ADGRG7: variants seen among roughly 807,000 people sequenced by gnomAD.
ADGRG7 encodes the protein G-protein coupled receptor 128.
In ADGRG7, 82 loss-of-function variants were observed where a neutral mutation model predicts 88.6. The ratio of observed to expected loss-of-function variants is 0.93; its 90% CI spans 0.77 to 1.11. The LOEUF is 1.11. Among genes scored for constraint, ADGRG7 ranks in the 50% most tolerant of loss-of-function variants. The probability of loss-of-function intolerance (pLI) is 0.00; values close to 1 mark genes in which losing one functional copy is unlikely to be tolerated. For synonymous variants in ADGRG7, 381 were observed against 345.2 expected (o/e 1.10, Z -1.15); for missense variants, 945 against 953.4 (o/e 0.99, Z 0.12).
At chr3:100,618,017 T>A (rs1165337092) in intron 1 of ADGRG7, among the ~76,000 whole-genome samples, 1 of 152,248 alleles carries the variant, frequency 6.6e-6, no homozygotes, top group East Asian at 1.9e-4. Flanking sequence ...ATGTCTTCTG[T>A]CGAGAAGTGT....
chr3:100,674,908 G>T (rs1361045641), intron 15 of ADGRG7, among the ~76,000 whole-genome samples: 1 of 152,028 alleles, frequency 6.6e-6, no homozygotes, highest in East Asian at 1.9e-4. Flanking sequence ...TTTGATGTTG[G>T]CATATAGAAA....
intron 15 of ADGRG7, among the ~76,000 whole-genome samples, chr3:100,685,300 C>A (rs186631154): frequency 6.6e-6 from 1 of 151,952 alleles, no homozygotes; most frequent in Non-Finnish European, 1.5e-5. Context: ...TATAGACGAA[C>A]GGAAATTTTA....
chr3:100,659,372 G>A (rs1393580830), intron 13 of ADGRG7, among the ~76,000 whole-genome samples: 3 of 149,018 alleles, frequency 2.0e-5, no homozygotes, highest in South Asian at 4.3e-4. Context: ...CCCAGGAGGC[G>A]GAGCTTGCAG....
At chr3:100,628,601 C>T (rs1362572356) in intron 1 of ADGRG7, among the ~76,000 whole-genome samples, 1 of 152,100 alleles carries the variant, frequency 6.6e-6, no homozygotes, top group Non-Finnish European at 1.5e-5. Flanking sequence ...AGTGATCCGC[C>T]CACCTCAGCC....
intron 1 of ADGRG7, among the ~76,000 whole-genome samples, chr3:100,612,735 GT>G (rs575188595): frequency 3.9e-5 from 6 of 152,124 alleles, no homozygotes; most frequent in African/African-American, 1.4e-4. Flanking sequence ...CACCAGGACT[GT>G]TTTTTTCTTT....
At chr3:100,660,380 A>G (rs993277202) in intron 14 of ADGRG7, among the ~76,000 whole-genome samples, 1 of 152,134 alleles carries the variant, frequency 6.6e-6, no homozygotes, top group African/African-American at 2.4e-5. Context: ...TCACAGCTCA[A>G]TGCAGCCTCG....
At chr3:100,632,557 G>C (rs1411256359) in intron 3 of ADGRG7, among the ~76,000 whole-genome samples, 1 of 152,118 alleles carries the variant, frequency 6.6e-6, no homozygotes, top group East Asian at 1.9e-4. Flanking sequence ...TTTTCATTAT[G>C]TCATGGTGTA....
intron 15 of ADGRG7, among the ~76,000 whole-genome samples, chr3:100,692,654 G>T (rs1176008323): frequency 6.6e-6 from 1 of 152,200 alleles, no homozygotes; most frequent in Non-Finnish European, 1.5e-5. Flanking sequence ...CTTTACCATT[G>T]ATTCCTATGA....
intron 10 of ADGRG7, among the ~76,000 whole-genome samples, chr3:100,648,286 T>A (rs1299449227): frequency 6.9e-6 from 1 of 144,320 alleles, no homozygotes; most frequent in Non-Finnish European, 1.5e-5. Flanking sequence ...GTTTGCATTA[T>A]TTTTTTAAAT....
chr3:100,675,922 C>A (rs1238899888), intron 15 of ADGRG7, among the ~76,000 whole-genome samples: 1 of 151,912 alleles, frequency 6.6e-6, no homozygotes, highest in Non-Finnish European at 1.5e-5. Context: ...CACTAATGAT[C>A]CTTTGAATTT....
chr3:100,643,726 T>C, intron 8 of ADGRG7, 93 bp downstream of exon 8: 4 of 806,654 alleles, frequency 5.0e-6, no homozygotes, highest in Non-Finnish European at 6.1e-6. Flanking sequence ...AATGTCTACT[T>C]AGTTTCATAC....
intron 15 of ADGRG7, among the ~76,000 whole-genome samples, chr3:100,691,209 G>A (rs147331899): frequency 1.3e-4 from 20 of 152,322 alleles, no homozygotes; most frequent in Non-Finnish European, 2.6e-4. Flanking sequence ...TAAGCCCATT[G>A]GAAAAGTGCG....
Position 100,646,639 on chromosome 3 carries a change from A to G in ADGRG7, c.1181A>G (p.Asp394Gly). 1 of 1,614,064 alleles carries G rather than the reference A, an allele frequency of 6.2e-7. No homozygotes were observed. The highest frequency in any genetic ancestry group is 1.1e-5 in the South Asian group (1 of 91,086). ...VYWNLSAKDWDTYGCQKDKGT... is the reference protein window; with the variant it reads ...VYWNLSAKDWGTYGCQKDKGT... ...TGGAATTTGTCAGCGAAGGACTGGG[A>G]CACATATGGCTGTCAAAAAGACAAG... is the stretch of plus-strand genomic sequence containing the variant. The change falls in exon 10 of 16, where the codon GAC (aspartate) becomes GGC (glycine). Residue 394 changes from aspartate (D) to glycine (G), a missense_variant. By Grantham distance (94) the Asp-to-Gly change is moderately conservative. Coordinates refer to ENST00000273352, the MANE Select transcript of ADGRG7 (RefSeq NM_032787.3).
At chr3:100,617,588 A>T (rs1707243919) in intron 1 of ADGRG7, among the ~76,000 whole-genome samples, 1 of 152,158 alleles carries the variant, frequency 6.6e-6, no homozygotes, top group African/African-American at 2.4e-5. Flanking sequence ...CATGGTGTAT[A>T]TGTGCCACAT....
intron 14 of ADGRG7, among the ~76,000 whole-genome samples, 166 bp downstream of exon 14, chr3:100,660,009 C>T (rs750645685): frequency 6.6e-6 from 1 of 152,210 alleles, no homozygotes; most frequent in African/African-American, 2.4e-5. Flanking sequence ...GAAGGTGGAT[C>T]TTCTCGTCTT....
intron 9 of ADGRG7, 120 bp downstream of exon 9, chr3:100,646,228 G>GGGGT: frequency 3.0e-5 from 6 of 199,620 alleles, no homozygotes; most frequent in South Asian, 4.8e-5. Context: ...GGGGGGGAGG[G>GGGGT]TTTTCCATGA....
chr3:100,609,867 G>A lies in ADGRG7; in HGVS notation c.11G>A (p.Cys4Tyr), dbSNP rs148174660. 7 of 1,613,650 alleles carry A rather than the reference G, an allele frequency of 4.3e-6. No homozygotes were observed. The African/African-American group carries it at 9.3e-5, about 22-fold the overall frequency. The stretch of plus-strand genomic sequence containing the variant: ...TGGTTTGGCTTCACCATGGCTTCCT[G>A]CCGTGCCTGGAACCTTAGGGTGCTG... Reference protein sequence around the residue: MASCRAWNLRVLVA... With the variant: MASYRAWNLRVLVA... Residue 4 changes from cysteine to tyrosine, a missense_variant, in exon 1 of 16, where the codon TGC (cysteine) becomes TAC (tyrosine). Transcript: ENST00000273352.
At chr3:100,618,924 G>T (rs950751634) in intron 1 of ADGRG7, among the ~76,000 whole-genome samples, 3 of 152,088 alleles carry the variant, frequency 2.0e-5, no homozygotes, top group African/African-American at 7.2e-5. Context: ...CCTTGAAGAG[G>T]TCCTTCACGT....
intron 1 of ADGRG7, among the ~76,000 whole-genome samples, chr3:100,617,172 G>C (rs1707237925): frequency 1.3e-5 from 2 of 151,968 alleles, no homozygotes; most frequent in South Asian, 4.2e-4. Context: ...ATAGAAAAAA[G>C]AGTCCCCCAA....
Sources: gnomAD v4.1 joint callset for allele counts (sites outside exome capture counted in the v4.1 genomes callset) on GRCh38, gnomAD v4.1.1 for gene constraint, MANE v1.5 for transcripts, NCBI Gene and HGNC (gene_info 2026-07-23, HGNC 2026-07-21) for gene names.